The following FGF14 variants were observed in gnomAD, a reference collection of about 807,000 sequenced individuals.
The protein encoded by FGF14 is fibroblast growth factor 14.
Under a neutral mutation model 25.5 loss-of-function variants are expected in FGF14, and 5 were observed. That is an observed-to-expected ratio of 0.20 (90% confidence interval 0.10 to 0.41). The LOEUF is 0.41. Among genes scored for constraint, FGF14 ranks in the 10% least tolerant of loss-of-function variants. FGF14 has a pLI of 1.00. For missense variants in FGF14, 222 were observed against 320.1 expected, an observed-to-expected ratio of 0.69 and a Z score of 2.34; for synonymous variants, 138 against 118.3, an observed-to-expected ratio of 1.17 and a Z score of -1.08.
At position 101,851,681 on chromosome 13, in the gene FGF14, G is replaced by C. The variant is rs191489807; in HGVS notation, c.408+17044C>G. On this transcript the variant is annotated intron_variant, in intron 3 of 4. Transcript: ENST00000376143. ...AGCTCGCCTTTCTCTCCTCCTCCTC[G>C]TCGTCTTCATCACTACTAACATTTT... Among the ~76,000 whole-genome samples, 56 of 151,964 alleles carry C rather than the reference G, an allele frequency of 3.7e-4. No individual in the cohort carries two copies. The East Asian group carries it at 9.3e-3, about 25-fold the overall frequency.
intron 1 of FGF14, among the ~76,000 whole-genome samples, chr13:102,011,459 A>C (rs952998322): frequency 1.4e-4 from 21 of 151,204 alleles, no homozygotes; most frequent in Admixed American, 1.4e-3. Flanking sequence ...TCACTTCAGA[A>C]TGCCTTTTGG....
In FGF14 at chr13:102,189,008, G is replaced by GAA. The variant is rs748649769; in HGVS notation, c.208+212462_208+212463insTT. 3.5e-3 allele frequency among the ~76,000 whole-genome samples: 246 copies of GAA among 70,320 alleles called. 1 individual carries two copies. Among genetic ancestry groups the GAA allele is most frequent in the East Asian group, 6.8e-3 (20 of 2,924 alleles). 46.1% of individuals were successfully genotyped at this position (70,320 alleles called of 152,430 possible). On this transcript the variant is annotated intron_variant, in intron 1 of 4. Transcript: ENST00000376131. ...AGAAAGAAAGAAAGAAAGAAAGAAA[G>GAA]AGAAAGAATGAAAGAAGAAAAGAAA...
At chr13:101,963,611 G>A (rs986702117) in intron 1 of FGF14, among the ~76,000 whole-genome samples, 4 of 152,126 alleles carry the variant, frequency 2.6e-5, no homozygotes, top group Non-Finnish European at 5.9e-5. Context: ...CCTGACCATG[G>A]CTTTCAAGGA....
chr13:101,821,499 A>G (rs2042154676), intron 3 of FGF14, among the ~76,000 whole-genome samples: 1 of 152,208 alleles, frequency 6.6e-6, no homozygotes, highest in Admixed American at 6.5e-5. Flanking sequence ...TGCTGTTATT[A>G]AGATTATTTG....
chr13:101,934,676 T>C (rs768769119), intron 1 of FGF14, among the ~76,000 whole-genome samples: 2 of 152,188 alleles, frequency 1.3e-5, no homozygotes, highest in Non-Finnish European at 2.9e-5. Context: ...AAATGAAGCA[T>C]CAATCCCATG....
intron 1 of FGF14, among the ~76,000 whole-genome samples, chr13:102,136,469 C>T (rs900790601): frequency 1.3e-5 from 2 of 151,328 alleles, no homozygotes; most frequent in African/African-American, 4.9e-5. Context: ...AACAACAAAT[C>T]AACAGAAAAT....
intron 1 of FGF14, among the ~76,000 whole-genome samples, chr13:102,196,538 T>A (rs992685172): frequency 5.3e-5 from 8 of 152,202 alleles, no homozygotes; most frequent in Non-Finnish European, 7.3e-5. Context: ...TTTATCTTTT[T>A]AAAATTTTTA....
intron 1 of FGF14, among the ~76,000 whole-genome samples, chr13:102,131,094 G>T (rs2046176811): frequency 6.6e-6 from 1 of 152,080 alleles, no homozygotes; most frequent in Non-Finnish European, 1.5e-5. Context: ...TTCTCCAATT[G>T]ATGTGTTTCT....
intron 1 of FGF14, among the ~76,000 whole-genome samples, chr13:102,295,657 A>G (rs897722180): frequency 5.3e-5 from 8 of 152,302 alleles, no homozygotes; most frequent in Admixed American, 3.9e-4. Flanking sequence ...AGAGAAACAT[A>G]AAGTCCAAGT....
At chr13:101,869,321 C>T (rs1290459317) in intron 2 of FGF14, among the ~76,000 whole-genome samples, 2 of 152,094 alleles carry the variant, frequency 1.3e-5, no homozygotes, top group Admixed American at 6.6e-5. Context: ...CCAGCGAAGC[C>T]AGGAAAAGAT....
intron 1 of FGF14, among the ~76,000 whole-genome samples, chr13:101,996,911 T>C (rs1566549433): frequency 6.6e-6 from 1 of 152,174 alleles, no homozygotes; most frequent in Non-Finnish European, 1.5e-5. Context: ...AAAACAAGTG[T>C]AGGAAGGGTG....
intron 3 of FGF14, among the ~76,000 whole-genome samples, chr13:101,804,475 G>A (rs1213888767): frequency 6.6e-6 from 1 of 152,164 alleles, no homozygotes; most frequent in Non-Finnish European, 1.5e-5. Flanking sequence ...CAAGAAGGGA[G>A]TTATCCTGCA....
chr13:101,831,027 CA>C (rs1404986572), intron 3 of FGF14, among the ~76,000 whole-genome samples: 2 of 152,046 alleles, frequency 1.3e-5, no homozygotes, highest in Non-Finnish European at 2.9e-5. Flanking sequence ...AATCTCATCT[CA>C]AGGTCGTTAA....
At chr13:102,073,379 G>C (rs2043228257) in intron 1 of FGF14, among the ~76,000 whole-genome samples, 1 of 152,174 alleles carries the variant, frequency 6.6e-6, no homozygotes, top group Non-Finnish European at 1.5e-5. Context: ...GCAGGCAGCA[G>C]GCCACAGCCT....
At chr13:101,767,222 C>T (rs577728823) in intron 3 of FGF14, among the ~76,000 whole-genome samples, 10 of 152,256 alleles carry the variant, frequency 6.6e-5, no homozygotes, top group African/African-American at 2.4e-4. Flanking sequence ...AAGGAGCAGC[C>T]TGTTCTATTG....
intron 1 of FGF14, among the ~76,000 whole-genome samples, chr13:102,115,580 C>T (rs1194870559): frequency 1.3e-5 from 2 of 152,032 alleles, no homozygotes; most frequent in Non-Finnish European, 2.9e-5. Flanking sequence ...TTGTTTTTTG[C>T]CTGCTGATTT....
At chr13:102,222,490 A>G (rs144763339) in intron 1 of FGF14, among the ~76,000 whole-genome samples, 4 of 152,310 alleles carry the variant, frequency 2.6e-5, no homozygotes, top group East Asian at 3.9e-4. Context: ...CGCCAGCTTA[A>G]ATACCTCCAG....
chr13:101,976,913 G>C (rs9518605), intron 1 of FGF14, among the ~76,000 whole-genome samples: 108,166 of 152,110 alleles, frequency 0.71, 39,221 homozygotes, highest in East Asian at 1. Flanking sequence ...GTGTCATTAT[G>C]AGTTTGCTGT....
intron 3 of FGF14, among the ~76,000 whole-genome samples, chr13:101,813,008 T>A (rs2041656442): frequency 6.6e-6 from 1 of 152,120 alleles, no homozygotes; most frequent in Admixed American, 6.5e-5. Flanking sequence ...AGCAATCCTA[T>A]ACTTTTGTGC....
Sources: allele counts gnomAD v4.1 joint callset (sites outside exome capture counted in the v4.1 genomes callset), GRCh38; gene constraint gnomAD v4.1.1; transcripts MANE v1.5; gene names NCBI Gene and HGNC (gene_info 2026-07-23, HGNC 2026-07-21).